The following PIGU variants were observed in gnomAD, a reference collection of about 807,000 sequenced individuals.
PIGU encodes the protein phosphatidylinositol glycan anchor biosynthesis class U.
In PIGU, 24 loss-of-function variants were observed where a neutral mutation model predicts 49.9. That is an observed-to-expected ratio of 0.48 (90% CI 0.35 to 0.68). The LOEUF (loss-of-function observed/expected upper bound fraction) is 0.68, where lower values mean the gene tolerates loss of function less well. Among genes scored for constraint, PIGU ranks in the 30% least tolerant of loss-of-function variants. PIGU has a pLI of 0.01. For synonymous variants in PIGU, 220 were observed against 205.7 expected (o/e 1.07, Z -0.59); for missense variants, 490 against 532.6 (o/e 0.92, Z 0.79).
chr20:34,590,849 C>T (rs1450221163), intron 7 of PIGU, among the ~76,000 whole-genome samples: 1 of 151,700 alleles, frequency 6.6e-6, no homozygotes, highest in Non-Finnish European at 1.5e-5. Flanking sequence ...GGTGAAACCC[C>T]GTCTCTACTA....
In PIGU at chr20:34,560,891, G is replaced by A. The variant is rs1293021131; in HGVS notation, c.1283C>T (p.Thr428Ile). 4 of 1,611,206 alleles carry A rather than the reference G, an allele frequency of 2.5e-6. No homozygotes were observed. In the African/African-American group the frequency reaches 5.3e-5, roughly 22 times the overall value. Residue 428 changes from threonine (T) to isoleucine (I), a missense_variant, in exon 12 of 12, where the codon ACA becomes ATA. Physicochemically the swap from Thr to Ile is moderately conservative, Grantham distance 89. Transcript: ENST00000217446. ...CTACTTGAGCACGAGCATGGCCTCT[G>A]TGCCATCCTTGGCGGTCAAGTAGAG... ...HGLYLTAKDG[T>I]EAMLVLK
intron 7 of PIGU, among the ~76,000 whole-genome samples, chr20:34,589,262 A>T (rs930416378): frequency 3.3e-5 from 5 of 152,218 alleles, no homozygotes; most frequent in African/African-American, 1.2e-4. Flanking sequence ...AACTTCATAT[A>T]ACCTGGCATT....
intron 4 of PIGU, among the ~76,000 whole-genome samples, chr20:34,642,297 C>T (rs1425655967): frequency 6.6e-6 from 1 of 152,090 alleles, no homozygotes; most frequent in Non-Finnish European, 1.5e-5. Context: ...GCAGCCTTGA[C>T]CTCCCATGCT....
chr20:34,607,448 C>A (rs891240254), intron 7 of PIGU, among the ~76,000 whole-genome samples: 2 of 152,160 alleles, frequency 1.3e-5, no homozygotes, highest in Non-Finnish European at 1.5e-5. Context: ...ACCTTGATGG[C>A]GGGACCTCGG....
Position 34,609,681 on chromosome 20 carries a change from A to G in PIGU, c.627+6361T>C, listed in dbSNP as rs1984742691. Among the ~76,000 whole-genome samples, 3 of 152,016 alleles carry G rather than the reference A, an allele frequency of 2.0e-5. No individual in the cohort carries two copies. In the South Asian group the frequency reaches 6.2e-4, roughly 31 times the overall value. On this transcript the variant is annotated intron_variant, in intron 7 of 11. Transcript: ENST00000217446. ...CACCTGGCTCCTCCTTCATATTTAA[A>G]CAGATGGTTTTGTTTCCTGGATGTG...
intron 7 of PIGU, among the ~76,000 whole-genome samples, chr20:34,611,807 A>G (rs946368156): frequency 1.3e-5 from 2 of 152,212 alleles, no homozygotes; most frequent in African/African-American, 4.8e-5. Context: ...TCAAAACCAC[A>G]ATAAGATACC....
At chr20:34,588,937 A>G (rs147741119) in intron 7 of PIGU, among the ~76,000 whole-genome samples, 5 of 152,290 alleles carry the variant, frequency 3.3e-5, no homozygotes, top group Admixed American at 1.3e-4. Context: ...TGGTATATTG[A>G]CATATGGTAT....
At chr20:34,564,820 T>C (rs1982675785) in intron 11 of PIGU, among the ~76,000 whole-genome samples, 1 of 152,178 alleles carries the variant, frequency 6.6e-6, no homozygotes, top group African/African-American at 2.4e-5. Context: ...AACTCTGCTG[T>C]GTGTGTGGAA....
chr20:34,614,414 C>A (rs138926040), intron 7 of PIGU, among the ~76,000 whole-genome samples: 1 of 151,794 alleles, frequency 6.6e-6, no homozygotes, highest in Non-Finnish European at 1.5e-5. Context: ...GGATGGATTG[C>A]GTGAACCCAA....
At chr20:34,674,882 G>A (rs1211681766) in intron 1 of PIGU, among the ~76,000 whole-genome samples, 3 of 149,740 alleles carry the variant, frequency 2.0e-5, no homozygotes, top group South Asian at 2.1e-4. Context: ...GAGAGGTCAA[G>A]GCTGCAGTGA....
chr20:34,575,644 TG>T (rs1983197884), intron 10 of PIGU, among the ~76,000 whole-genome samples: 1 of 151,940 alleles, frequency 6.6e-6, no homozygotes, highest in South Asian at 2.1e-4. Flanking sequence ...GGATTATGGG[TG>T]GGAACCCCAG....
intron 1 of PIGU, among the ~76,000 whole-genome samples, chr20:34,668,566 G>A (rs1055256197): frequency 4.7e-5 from 7 of 149,226 alleles, no homozygotes; most frequent in South Asian, 2.1e-4. Context: ...TCAGGAGATC[G>A]AAACCATCCT....
intron 6 of PIGU, among the ~76,000 whole-genome samples, chr20:34,629,403 C>T (rs1985616629): frequency 6.6e-6 from 1 of 152,190 alleles, no homozygotes; most frequent in African/African-American, 2.4e-5. Context: ...ACTAGGCTTG[C>T]TCACTATTGT....
At chr20:34,570,784 G>T (rs1982978683) in intron 11 of PIGU, among the ~76,000 whole-genome samples, 1 of 152,074 alleles carries the variant, frequency 6.6e-6, no homozygotes, top group Non-Finnish European at 1.5e-5. Flanking sequence ...GTGACACTTT[G>T]CCCTACTCTT....
At chr20:34,565,175 G>C (rs534895620) in intron 11 of PIGU, among the ~76,000 whole-genome samples, 1 of 152,312 alleles carries the variant, frequency 6.6e-6, no homozygotes, top group Non-Finnish European at 1.5e-5. Context: ...GTGATATTAA[G>C]TCTCTTCCTG....
intron 8 of PIGU, among the ~76,000 whole-genome samples, chr20:34,587,912 T>C (rs867923266): frequency 5.3e-5 from 8 of 152,222 alleles, no homozygotes; most frequent in African/African-American, 1.9e-4. Flanking sequence ...GACATTTAGA[T>C]TGATTCCATA....
chr20:34,655,301 C>A (rs189950121), intron 2 of PIGU, among the ~76,000 whole-genome samples: 1,483 of 118,774 alleles, frequency 0.012, 370 homozygotes, highest in African/African-American at 0.045. Context: ...CAGAGCAAGA[C>A]CCTGTCTTTA....
chr20:34,676,050 G>GT (rs1312166539), intron 1 of PIGU, among the ~76,000 whole-genome samples: 5 of 137,988 alleles, frequency 3.6e-5, no homozygotes, highest in African/African-American at 2.6e-5. Flanking sequence ...AAAGTTGTTT[G>GT]TTTTTTTTTA....
intron 2 of PIGU, among the ~76,000 whole-genome samples, chr20:34,652,177 C>A (rs1238551424): frequency 1.3e-5 from 2 of 152,018 alleles, no homozygotes; most frequent in Non-Finnish European, 2.9e-5. Flanking sequence ...TTTATTTTTC[C>A]CCCTGGGGGG....
Sources: allele counts gnomAD v4.1 joint callset (sites outside exome capture counted in the v4.1 genomes callset), GRCh38; gene constraint gnomAD v4.1.1; transcripts MANE v1.5; gene names NCBI Gene and HGNC (gene_info 2026-07-23, HGNC 2026-07-21).